The following KCTD12 variants were observed in gnomAD, a reference collection of about 807,000 sequenced individuals.
KCTD12 encodes the protein BTB/POZ domain-containing protein KCTD12.
Under a neutral mutation model 22.6 loss-of-function variants are expected in KCTD12, and 16 were observed. The observed-to-expected ratio is 0.71, with a 90% CI of 0.48 to 1.07. The LOEUF (loss-of-function observed/expected upper bound fraction) is 1.07, where lower values mean the gene tolerates loss of function less well. KCTD12 is among the 50% of genes least tolerant of loss of function. KCTD12 has a pLI of 0.00. For missense variants in KCTD12, 452 were observed against 469.2 expected (o/e 0.96, Z 0.34); for synonymous variants, 260 against 228.0 (o/e 1.14, Z -1.26).
At position 76,886,288 on chromosome 13, in the gene KCTD12, A is replaced by ACCACCG; in HGVS notation, c.-141_-140insCGGTGG. On this transcript the variant is annotated 5_prime_UTR_variant, in exon 1 of 1. Coordinates refer to ENST00000377474, the MANE Select transcript of KCTD12 (RefSeq NM_138444.4). The stretch of plus-strand genomic sequence containing the variant: ...CGCCGCCGCCGCCGCCACCGCCGCC[A>ACCACCG]CCGCCACCGCCGCCACCTCCTAGAG... The ACCACCG allele has an allele frequency of 9.5e-7, 1 of 1,047,780 alleles. No individual in the cohort carries two copies. Among genetic ancestry groups the ACCACCG allele is most frequent in the Middle Eastern group, 3.4e-4 (1 of 2,984 alleles). The allele number at this position is 1,047,780 out of a possible 1,614,324, so 64.9% of individuals were successfully genotyped here. A position where few individuals can be genotyped will look rare whatever the true frequency, so the allele number is the denominator to read the frequency against.
In KCTD12 at chr13:76,885,703, T is replaced by C. The variant is rs557029373; in HGVS notation, c.446A>G (p.Glu149Gly). The change falls in exon 1 of 1, where the codon GAG (glutamate) becomes GGG (glycine). Residue 149 changes from glutamate (E) to glycine (G), a missense_variant. Around this residue, in one of 2 missense-constraint regions of KCTD12, gnomAD observed 330 missense variants for 296.5 expected, o/e 1.11. Transcript: ENST00000377474. This position sits in a 1 kb window ranked among gnomAD's most constrained non-coding sequence, Gnocchi z 5.1. ...PPPSRRGVHK[E>G]GSLGDELLPL... ...CAGCAGCTCGTCACCCAGCGAGCCCTCCTTGTGCACCCCGCGCCGCGAGGG... is the reference window on the plus strand; with the variant it reads ...CAGCAGCTCGTCACCCAGCGAGCCCCCCTTGTGCACCCCGCGCCGCGAGGG... The C allele has an allele frequency of 7.0e-7, 1 of 1,426,800 alleles. No individual in the cohort carries two copies. The highest frequency in any genetic ancestry group is 3.3e-5 in the Admixed American group (1 of 30,388). The allele number at this position is 1,426,800 out of a possible 1,614,324, so 88.4% of individuals were successfully genotyped here.
Position 76,880,849 on chromosome 13 carries a change from T to C in KCTD12, c.*4322A>G, listed in dbSNP as rs1307123654. 6.6e-6 allele frequency: 1 copy of C among 152,576 alleles called. No individual in the cohort carries two copies. Among genetic ancestry groups the C allele is most frequent in the Non-Finnish European group, 1.5e-5 (1 of 67,992 alleles). 9.5% of individuals were successfully genotyped at this position (152,576 alleles called of 1,614,324 possible). A position where few individuals can be genotyped will look rare whatever the true frequency, so the allele number is the denominator to read the frequency against. ...TGGCTTGGAAAAAAATCACAAAAAA[T>C]TTAAGTGACAACAAATCTTGATTAA... On this transcript the variant is annotated 3_prime_UTR_variant, in exon 1 of 1. Coordinates refer to ENST00000377474, the MANE Select transcript of KCTD12 (RefSeq NM_138444.4).
rs1476694802 is a variant in KCTD12 at position 76,884,772 on chromosome 13, G to A, written c.*399C>T. The A allele has an allele frequency of 1.1e-5, 2 of 184,052 alleles. No individual in the cohort carries two copies. The highest frequency in any genetic ancestry group is 1.5e-4 in the East Asian group (1 of 6,756). 11.4% of individuals were successfully genotyped at this position (184,052 alleles called of 1,614,324 possible). A position where few individuals can be genotyped will look rare whatever the true frequency, so the allele number is the denominator to read the frequency against. ...TGAGAAGATTTCAAGGAAATCTTCC[G>A]CACATTGGACACGGTCCAATCAGGT... is the stretch of plus-strand genomic sequence containing the variant. On this transcript the variant is annotated 3_prime_UTR_variant, in exon 1 of 1. Coordinates refer to ENST00000377474, the MANE Select transcript of KCTD12 (RefSeq NM_138444.4).
chr13:76,885,676 G>T lies in KCTD12; in HGVS notation c.473C>A (p.Pro158Gln). The change falls in exon 1 of 1, where the codon CCG becomes CAG. Residue 158 changes from proline (P) to glutamine (Q), a missense_variant. By Grantham distance (76) the Pro-to-Gln change is moderately conservative (BLOSUM62 -1). Around this residue, in one of 2 missense-constraint regions of KCTD12, gnomAD observed 330 missense variants for 296.5 expected, o/e 1.11. Transcript: ENST00000377474. The surrounding 1 kb of genome is among the most constrained non-coding windows in gnomAD (Gnocchi z 5.1). ...KEGSLGDELL[P>Q]LGYSEPEQQE... ...CTGTTCGGGCTCCGAGTAGCCAAGC[G>T]GCAGCAGCTCGTCACCCAGCGAGCC... 6.9e-7 allele frequency: 1 copy of T among 1,456,030 alleles called. No individual in the cohort carries two copies. Among genetic ancestry groups the T allele is most frequent in the Non-Finnish European group, 8.9e-7 (1 of 1,117,614 alleles). The allele number at this position is 1,456,030 out of a possible 1,614,324, so 90.2% of individuals were successfully genotyped here. A position where few individuals can be genotyped will look rare whatever the true frequency, so the allele number is the denominator to read the frequency against.
At position 76,886,081 on chromosome 13, in the gene KCTD12, G is replaced by A. The variant is rs773460579; in HGVS notation, c.68C>T (p.Ser23Leu). The A allele has an allele frequency of 3.9e-6, 6 of 1,542,290 alleles. No individual in the cohort carries two copies. Among genetic ancestry groups the A allele is most frequent in the South Asian group, 1.2e-5 (1 of 84,700 alleles). ...GAGCGGTGGCTCCGCGGAGGACGAC[G>A]AGGAGCCACTGCCGCCCCCGCCGCC... Reference protein sequence around the residue: ...GGGGGGGSGSSSSSAEPPLFP... With the variant: ...GGGGGGGSGSLSSSAEPPLFP... The change falls in exon 1 of 1, where the codon TCG becomes TTG. Residue 23 changes from serine (S) to leucine (L), a missense_variant. Physicochemically the swap from Ser to Leu is moderately radical, Grantham distance 145. Transcript: ENST00000377474.
Position 76,885,893 on chromosome 13 carries a change from C to T in KCTD12, c.256G>A (p.Gly86Ser), listed in dbSNP as rs755677211. Residue 86 changes from glycine (G) to serine (S), a missense_variant, in exon 1 of 1, where the codon GGC (glycine) becomes AGC (serine). Coordinates refer to ENST00000377474, the MANE Select transcript of KCTD12 (RefSeq NM_138444.4). The surrounding 1 kb of genome is among the most constrained non-coding windows in gnomAD (Gnocchi z 5.1). ...SKGRFFLDRD[G>S]FLFRYILDYL... ...TCCAGGATGTAGCGGAAGAGGAAGC[C>T]GTCCCGGTCCAGAAAGAAGCGGCCT... 6.3e-7 allele frequency: 1 copy of T among 1,596,996 alleles called. No individual in the cohort carries two copies. The highest frequency in any genetic ancestry group is 1.3e-5 in the African/African-American group (1 of 74,852).
At position 76,881,179 on chromosome 13, in the gene KCTD12, G is replaced by A. The variant is rs2033198636; in HGVS notation, c.*3992C>T. 1 of 152,076 alleles carries A rather than the reference G, an allele frequency of 6.6e-6. No individual in the cohort carries two copies. Among genetic ancestry groups the A allele is most frequent in the African/African-American group, 2.4e-5 (1 of 41,406 alleles). The allele number at this position is 152,076 out of a possible 1,614,324, so 9.4% of individuals were successfully genotyped here. On this transcript the variant is annotated 3_prime_UTR_variant, in exon 1 of 1. Transcript: ENST00000377474. ...AAATGATTTATAGTAAGGAAAAACAGGAAAACAATTCCAAACGAAGGATTG... is the reference window on the plus strand; with the variant it reads ...AAATGATTTATAGTAAGGAAAAACAAGAAAACAATTCCAAACGAAGGATTG...
chr13:76,885,061 G>A lies in KCTD12; in HGVS notation c.*110C>T, dbSNP rs568824552. On this transcript the variant is annotated 3_prime_UTR_variant, in exon 1 of 1. Coordinates refer to ENST00000377474, the MANE Select transcript of KCTD12 (RefSeq NM_138444.4). The surrounding 1 kb of genome is among the most constrained non-coding windows in gnomAD (Gnocchi z 5.1). Reference sequence around the variant, plus strand: ...TCTCACCCAGCTACTACTGGAGGGGGAGAATGGGAGGGCAGCAGCCAGGGG... The same window carrying A: ...TCTCACCCAGCTACTACTGGAGGGGAAGAATGGGAGGGCAGCAGCCAGGGG... 41 of 1,250,686 alleles carry A rather than the reference G, an allele frequency of 3.3e-5. No homozygotes were observed. The East Asian group carries it at 8.8e-4, about 27-fold the overall frequency. The allele number at this position is 1,250,686 out of a possible 1,614,324, so 77.5% of individuals were successfully genotyped here.
At position 76,885,183 on chromosome 13, in the gene KCTD12, G is replaced by A. The variant is rs1341192850; in HGVS notation, c.966C>T (p.Phe322=). 4.3e-6 allele frequency: 7 copies of A among 1,612,916 alleles called. No individual in the cohort carries two copies. The South Asian group carries it at 7.7e-5, about 18-fold the overall frequency. The change falls in exon 1 of 1, where the codon TTC becomes TTT. Residue 322 remains phenylalanine, a synonymous_variant. Coordinates refer to ENST00000377474, the MANE Select transcript of KCTD12 (RefSeq NM_138444.4). This position sits in a 1 kb window ranked among gnomAD's most constrained non-coding sequence, Gnocchi z 5.1. Reference sequence around the variant, plus strand: ...GGGTCTGGGGAGCTCACTCCCTGCAGAAGACGTACTCGGTGTAGCTGGTCC... The same window carrying A: ...GGGTCTGGGGAGCTCACTCCCTGCAAAAGACGTACTCGGTGTAGCTGGTCC... ...KIWTSYTEYV[F]CRE
rs767274843 is a variant in KCTD12, at chr13:76,885,096, G to A, written c.*75C>T. ...GGGCAGCAGCCAGGGGACAAAGGTG[G>A]GACAAGAGGCTCTGTAATCATCTCT... On this transcript the variant is annotated 3_prime_UTR_variant, in exon 1 of 1. Coordinates refer to ENST00000377474, the MANE Select transcript of KCTD12 (RefSeq NM_138444.4). This position sits in a 1 kb window ranked among gnomAD's most constrained non-coding sequence, Gnocchi z 5.1. The A allele has an allele frequency of 5.9e-6, 9 of 1,519,824 alleles. No individual in the cohort carries two copies. The highest frequency in any genetic ancestry group is 8.0e-6 in the Non-Finnish European group (9 of 1,122,764). 94.1% of individuals were successfully genotyped at this position (1,519,824 alleles called of 1,614,324 possible).
Position 76,881,105 on chromosome 13 carries a change from T to C in KCTD12, c.*4066A>G, listed in dbSNP as rs577750174. On this transcript the variant is annotated 3_prime_UTR_variant, in exon 1 of 1. Coordinates refer to ENST00000377474, the MANE Select transcript of KCTD12 (RefSeq NM_138444.4). ...ACTGAAAATAGGAGTATTTTACTTA[T>C]TTCTCAAGAGACAGACTTATGCCAT... 2 of 152,300 alleles carry C rather than the reference T, an allele frequency of 1.3e-5. No homozygotes were observed. Among genetic ancestry groups the C allele is most frequent in the Non-Finnish European group, 2.9e-5 (2 of 67,984 alleles). 9.4% of individuals were successfully genotyped at this position (152,300 alleles called of 1,614,324 possible).
rs189080918 is a variant in KCTD12 at position 76,882,303 on chromosome 13, C to T, written c.*2868G>A. 4.5e-4 allele frequency: 68 copies of T among 152,126 alleles called. No individual in the cohort carries two copies. Among genetic ancestry groups the T allele is most frequent in the African/African-American group, 1.6e-3 (66 of 41,454 alleles). 9.4% of individuals were successfully genotyped at this position (152,126 alleles called of 1,614,324 possible). On this transcript the variant is annotated 3_prime_UTR_variant, in exon 1 of 1. Coordinates refer to ENST00000377474, the MANE Select transcript of KCTD12 (RefSeq NM_138444.4). ...TGACTTTAACTTTAGAGGGGACAGT[C>T]GTCCCTGGAAAAAGAAGTAGATTTA...
In KCTD12 at chr13:76,882,096, G is replaced by A. The variant is rs2033210651; in HGVS notation, c.*3075C>T. 6.6e-6 allele frequency: 1 copy of A among 152,152 alleles called. No homozygotes were observed. The highest frequency in any genetic ancestry group is 1.5e-5 in the Non-Finnish European group (1 of 68,028). 9.4% of individuals were successfully genotyped at this position (152,152 alleles called of 1,614,324 possible). ...ATACCTCCACTATTACAGCTTATAG[G>A]AAATTACAATCCACTTTACAGGCCT... On this transcript the variant is annotated 3_prime_UTR_variant, in exon 1 of 1. Transcript: ENST00000377474.
In KCTD12 at chr13:76,880,608, T is replaced by C. The variant is rs1023210539; in HGVS notation, c.*4563A>G. On this transcript the variant is annotated 3_prime_UTR_variant, in exon 1 of 1. Transcript: ENST00000377474. ...CTGGAAAAATTTAAACAACATATAA[T>C]TTACATCTTCAAAATTAACATCCAG... The C allele has an allele frequency of 2.0e-5, 3 of 152,658 alleles. No homozygotes were observed. 9.5% of individuals were successfully genotyped at this position (152,658 alleles called of 1,614,324 possible).
Position 76,886,068 on chromosome 13 carries a change from C to A in KCTD12, c.81G>T (p.Ala27=), listed in dbSNP as rs999115851. The change falls in exon 1 of 1, where the codon GCG becomes GCT. Residue 27 remains alanine, a synonymous_variant. Transcript: ENST00000377474. The part of the protein sequence containing the change: ...GGGSGSSSSS[A]EPPLFPDIVE... ...CGATGTCGGGGAAGAGCGGTGGCTCCGCGGAGGACGACGAGGAGCCACTGC... is the reference window on the plus strand; with the variant it reads ...CGATGTCGGGGAAGAGCGGTGGCTCAGCGGAGGACGACGAGGAGCCACTGC... 3.2e-6 allele frequency: 5 copies of A among 1,565,972 alleles called. No individual in the cohort carries two copies. In the Admixed American group the frequency reaches 5.5e-5, roughly 17 times the overall value.
chr13:76,886,182 G>C lies in KCTD12; in HGVS notation c.-34C>G. The stretch of plus-strand genomic sequence containing the variant: ...GGTGGCCGGGCCGGGACAGTGGCAG[G>C]AAGCCGCGCTGCACTCAGGAGCTGC... On this transcript the variant is annotated 5_prime_UTR_variant, in exon 1 of 1. Transcript: ENST00000377474. 2 of 1,438,948 alleles carry C rather than the reference G, an allele frequency of 1.4e-6. No individual in the cohort carries two copies. The highest frequency in any genetic ancestry group is 1.8e-6 in the Non-Finnish European group (2 of 1,100,048). The allele number at this position is 1,438,948 out of a possible 1,614,324, so 89.1% of individuals were successfully genotyped here.
In KCTD12 at chr13:76,885,571, G is replaced by T. The variant is rs552777809; in HGVS notation, c.578C>A (p.Pro193Gln). The change falls in exon 1 of 1, where the codon CCG (proline) becomes CAG (glutamine). Residue 193 changes from proline to glutamine, a missense_variant. Pro to Gln is a moderately conservative substitution (Grantham distance 76). This residue lies in a region of KCTD12 where 330 missense variants were observed against 296.5 expected (regional missense o/e 1.11). Transcript: ENST00000377474. The surrounding 1 kb of genome is among the most constrained non-coding windows in gnomAD (Gnocchi z 5.1). ...CAGCGACTGGGACGGCGTGAGCAGC[G>T]GGCCCGCCGCGCCCCCGGACGGACT... ...SRSPSGGAAG[P>Q]LLTPSQSLDG... 1.3e-6 allele frequency: 2 copies of T among 1,541,202 alleles called. No homozygotes were observed. Among genetic ancestry groups the T allele is most frequent in the Non-Finnish European group, 1.7e-6 (2 of 1,149,022 alleles).
In KCTD12 at chr13:76,882,981, A is replaced by G. The variant is rs1466241650; in HGVS notation, c.*2190T>C. On this transcript the variant is annotated 3_prime_UTR_variant, in exon 1 of 1. Transcript: ENST00000377474. ...TGATTAGTAATACAACTAATACTCA[A>G]GAAAAAAAGTATAATACAGCAAACT... 1 of 152,206 alleles carries G rather than the reference A, an allele frequency of 6.6e-6. No individual in the cohort carries two copies. Among genetic ancestry groups the G allele is most frequent in the Middle Eastern group, 3.2e-3 (1 of 316 alleles). The allele number at this position is 152,206 out of a possible 1,614,324, so 9.4% of individuals were successfully genotyped here.
rs988398887 is a variant in KCTD12 at position 76,882,979 on chromosome 13, C to T, written c.*2192G>A. ...TATGATTAGTAATACAACTAATACTCAAGAAAAAAAGTATAATACAGCAAA... is the reference window on the plus strand; with the variant it reads ...TATGATTAGTAATACAACTAATACTTAAGAAAAAAAGTATAATACAGCAAA... On this transcript the variant is annotated 3_prime_UTR_variant, in exon 1 of 1. Transcript: ENST00000377474. 2 of 151,968 alleles carry T rather than the reference C, an allele frequency of 1.3e-5. No homozygotes were observed. The highest frequency in any genetic ancestry group is 2.9e-5 in the Non-Finnish European group (2 of 67,986). The allele number at this position is 151,968 out of a possible 1,614,324, so 9.4% of individuals were successfully genotyped here. A position where few individuals can be genotyped will look rare whatever the true frequency, so the allele number is the denominator to read the frequency against.
Sources: gnomAD v4.1 joint callset for allele counts on GRCh38, gnomAD v4.1.1 for gene constraint, gnomAD v4.1.1 regional missense constraint, Gnocchi (gnomAD v3.1) non-coding constraint, MANE v1.5 for transcripts, NCBI Gene and HGNC (gene_info 2026-07-23, HGNC 2026-07-21) for gene names.